The following DLGAP2 variants were observed in gnomAD, a reference collection of about 807,000 sequenced individuals.
The protein encoded by DLGAP2 is disks large-associated protein 2.
A neutral mutation model predicts 100.3 loss-of-function variants in DLGAP2; 26 were observed. The ratio of observed to expected loss-of-function variants is 0.26; its 90% CI spans 0.19 to 0.36. The LOEUF is 0.36. Ranked by LOEUF, DLGAP2 falls within the 10% of genes least tolerant of loss-of-function variation. The pLI is 1.00. For missense variants in DLGAP2, 1,858 were observed against 1,453.2 expected, an observed-to-expected ratio of 1.28 and a Z score of -4.53; for synonymous variants, 886 against 630.1, an observed-to-expected ratio of 1.41 and a Z score of -6.08.
intron 3 of DLGAP2, among the ~76,000 whole-genome samples, chr8:1,472,113 T>C (rs968297476): frequency 7.2e-5 from 11 of 152,194 alleles, no homozygotes; most frequent in African/African-American, 2.7e-4. Flanking sequence ...CGTAAACAAG[T>C]GCCCCTCCAC....
intron 2 of DLGAP2, 28 bp downstream of exon 2, chr8:907,994 G>T (rs1293272843): frequency 3.8e-5 from 15 of 398,704 alleles, no homozygotes; most frequent in East Asian, 3.2e-4. Flanking sequence ...TTCTGATTTG[G>T]GATTATATGT....
chr8:927,095 G>T, intron 2 of DLGAP2: 1 of 985,434 alleles, frequency 1.0e-6, no homozygotes. Context: ...CCCAGTGGCC[G>T]GGATGGTAAA....
intron 6 of DLGAP2, among the ~76,000 whole-genome samples, chr8:1,601,480 C>T (rs1796622040): frequency 6.6e-6 from 1 of 152,196 alleles, no homozygotes; most frequent in Admixed American, 6.5e-5. Flanking sequence ...CACAGCCGCC[C>T]CTTCCCCCGG....
chr8:1,072,148 G>C (rs74996272), intron 2 of DLGAP2, among the ~76,000 whole-genome samples: 2 of 152,166 alleles, frequency 1.3e-5, no homozygotes, highest in African/African-American at 4.8e-5. Flanking sequence ...GAGGGGGTGC[G>C]GGTTTGATGC....
intron 4 of DLGAP2, among the ~76,000 whole-genome samples, chr8:1,536,422 A>G (rs1801156363): frequency 6.6e-6 from 1 of 152,190 alleles, no homozygotes; most frequent in Non-Finnish European, 1.5e-5. Context: ...TCTAACATCC[A>G]TGGGGTCAGA....
intron 10 of DLGAP2, among the ~76,000 whole-genome samples, chr8:1,673,159 G>T (rs916790177): frequency 1.3e-5 from 2 of 152,186 alleles, no homozygotes; most frequent in African/African-American, 2.4e-5. Flanking sequence ...CTGGAGTGCA[G>T]TGGTGCAATC....
At chr8:1,079,892 C>T (rs924715948) in intron 2 of DLGAP2, among the ~76,000 whole-genome samples, 16 of 152,216 alleles carry the variant, frequency 1.1e-4, no homozygotes, top group Non-Finnish European at 1.9e-4. Context: ...CAGCTGGGGC[C>T]GCACGGCCCT....
At chr8:763,193 A>G (rs1408863816) in intron 1 of DLGAP2, among the ~76,000 whole-genome samples, 1 of 152,172 alleles carries the variant, frequency 6.6e-6, no homozygotes, top group Non-Finnish European at 1.5e-5. Flanking sequence ...CGTTGTGGAG[A>G]CATGGACTAT....
chr8:1,650,989 T>C (rs2130809351), intron 8 of DLGAP2, among the ~76,000 whole-genome samples: 1 of 152,324 alleles, frequency 6.6e-6, no homozygotes, highest in South Asian at 2.1e-4. Flanking sequence ...TTCTCATGTC[T>C]GCCTCCAGCA....
chr8:1,602,557 C>T (rs567739901), intron 6 of DLGAP2, among the ~76,000 whole-genome samples: 1 of 152,372 alleles, frequency 6.6e-6, no homozygotes, highest in East Asian at 1.9e-4. Flanking sequence ...GGCCTCAGGC[C>T]TGCCCACCTG....
chr8:1,114,530 G>A (rs1159861083), intron 2 of DLGAP2, among the ~76,000 whole-genome samples: 2 of 151,944 alleles, frequency 1.3e-5, no homozygotes, highest in Non-Finnish European at 2.9e-5. Flanking sequence ...TATTTCTGTG[G>A]GGTCAGTGGT....
At chr8:1,681,470 CA>C (rs199907239) in intron 12 of DLGAP2, among the ~76,000 whole-genome samples, 1 of 151,140 alleles carries the variant, frequency 6.6e-6, no homozygotes, top group African/African-American at 2.4e-5. Flanking sequence ...TTGTCTCTAC[CA>C]AAAAAAATAA....
At chr8:1,645,826 C>T (rs528765584) in intron 8 of DLGAP2, among the ~76,000 whole-genome samples, 25 of 152,070 alleles carry the variant, frequency 1.6e-4, no homozygotes, top group Non-Finnish European at 3.7e-4. Flanking sequence ...TTCCTAGATC[C>T]CAGAGAGTTA....
chr8:1,599,373 T>C (rs939415184), intron 6 of DLGAP2, among the ~76,000 whole-genome samples: 1 of 152,176 alleles, frequency 6.6e-6, no homozygotes, highest in Non-Finnish European at 1.5e-5. Flanking sequence ...TAGATGTCAA[T>C]TGGGTCTGCT....
chr8:1,546,166 C>G (rs1801526939), intron 4 of DLGAP2, among the ~76,000 whole-genome samples: 1 of 152,210 alleles, frequency 6.6e-6, no homozygotes, highest in Admixed American at 6.5e-5. Flanking sequence ...GAAGACGCCG[C>G]CGGCCATTAC....
intron 1 of DLGAP2, among the ~76,000 whole-genome samples, chr8:767,621 C>A (rs1821249690): frequency 6.6e-6 from 1 of 152,114 alleles, no homozygotes; most frequent in Non-Finnish European, 1.5e-5. Flanking sequence ...TCCCAAAGTG[C>A]TGGGATTACA....
chr8:1,194,490 G>C (rs1457400532), intron 2 of DLGAP2, among the ~76,000 whole-genome samples: 1 of 152,096 alleles, frequency 6.6e-6, no homozygotes, highest in African/African-American at 2.4e-5. Flanking sequence ...CCACTTTCCA[G>C]GTCATCCCCA....
chr8:1,383,653 G>A (rs1337345309), intron 3 of DLGAP2, among the ~76,000 whole-genome samples: 1 of 152,198 alleles, frequency 6.6e-6, no homozygotes, highest in Non-Finnish European at 1.5e-5. Flanking sequence ...AGTGGCTGGG[G>A]CTGGGACAGG....
intron 2 of DLGAP2, among the ~76,000 whole-genome samples, chr8:1,061,493 C>T (rs78873048): frequency 0.016 from 2,425 of 152,202 alleles, 67 homozygotes; most frequent in African/African-American, 0.056. Flanking sequence ...GGAAGGATCC[C>T]GTGACCCCTT....
Sources: allele counts gnomAD v4.1 joint callset (sites outside exome capture counted in the v4.1 genomes callset), GRCh38; gene constraint gnomAD v4.1.1; transcripts MANE v1.5; gene names NCBI Gene and HGNC (gene_info 2026-07-23, HGNC 2026-07-21).